NRXN1: variants seen among roughly 807,000 people sequenced by gnomAD.
The protein encoded by NRXN1 is neurexin-1.
A neutral mutation model predicts 150.9 loss-of-function variants in NRXN1; 39 were observed. The observed-to-expected ratio is 0.26, with a 90% CI of 0.20 to 0.34. NRXN1 has a LOEUF of 0.34. Ranked by LOEUF, NRXN1 falls within the 10% of genes least tolerant of loss-of-function variation. The pLI is 1.00. For missense variants in NRXN1, 1,815 were observed against 1,949.9 expected (o/e 0.93, Z 1.30); for synonymous variants, 924 against 757.0 (o/e 1.22, Z -3.62).
intron 18 of NRXN1, among the ~76,000 whole-genome samples, chr2:50,174,218 T>C (rs955950416): frequency 6.6e-5 from 10 of 151,982 alleles, no homozygotes; most frequent in South Asian, 4.1e-4. Flanking sequence ...GACAAAATAG[T>C]GTAGTGATTA....
chr2:50,483,372 A>C (rs2090622322), intron 15 of NRXN1, among the ~76,000 whole-genome samples: 1 of 152,168 alleles, frequency 6.6e-6, no homozygotes, highest in South Asian at 2.1e-4. Context: ...TCAGCAGTCC[A>C]TGACGCTGTT....
chr2:50,071,954 C>G (rs931296984), intron 19 of NRXN1, among the ~76,000 whole-genome samples: 18 of 152,154 alleles, frequency 1.2e-4, no homozygotes, highest in African/African-American at 4.1e-4. Flanking sequence ...TTCTACATTA[C>G]AGTCCTGGTA....
At chr2:51,002,402 G>A (rs1700186511) in intron 2 of NRXN1, among the ~76,000 whole-genome samples, 1 of 151,946 alleles carries the variant, frequency 6.6e-6, no homozygotes, top group South Asian at 2.1e-4. Flanking sequence ...GTAGAAAACA[G>A]AATCTTATTC....
At chr2:49,978,152 C>A (rs1679325640) in intron 21 of NRXN1, among the ~76,000 whole-genome samples, 1 of 152,124 alleles carries the variant, frequency 6.6e-6, no homozygotes, top group African/African-American at 2.4e-5. Flanking sequence ...CAGAGCGAGA[C>A]TCCATCCCCC....
At chr2:50,590,604 C>T (rs1054682453) in intron 8 of NRXN1, among the ~76,000 whole-genome samples, 4 of 152,040 alleles carry the variant, frequency 2.6e-5, no homozygotes, top group Admixed American at 2.0e-4. Flanking sequence ...TGTGATGGGG[C>T]CTTTAGGAAG....
At chr2:50,534,803 T>C (rs1390502142) in intron 10 of NRXN1, among the ~76,000 whole-genome samples, 5 of 152,178 alleles carry the variant, frequency 3.3e-5, no homozygotes, top group Non-Finnish European at 7.4e-5. Flanking sequence ...AATAATCATA[T>C]TCTTCTGGGA....
intron 19 of NRXN1, among the ~76,000 whole-genome samples, chr2:50,080,929 T>C (rs1697865306): frequency 6.6e-6 from 1 of 152,196 alleles, no homozygotes; most frequent in Non-Finnish European, 1.5e-5. Context: ...TTTTTTCCTC[T>C]AATATCTCAA....
At chr2:50,018,571 G>A (rs985986410) in intron 21 of NRXN1, among the ~76,000 whole-genome samples, 9 of 152,040 alleles carry the variant, frequency 5.9e-5, no homozygotes, top group African/African-American at 2.2e-4. Context: ...TCTCTCCCAC[G>A]TTATTACATC....
chr2:50,509,432 A>G (rs2092367089), intron 12 of NRXN1, among the ~76,000 whole-genome samples: 1 of 152,142 alleles, frequency 6.6e-6, no homozygotes, highest in African/African-American at 2.4e-5. Context: ...GACTGTTCCT[A>G]AAGATATGAC....
At chr2:50,897,934 ACAT>A (rs1014087664) in intron 5 of NRXN1, among the ~76,000 whole-genome samples, 37 of 151,414 alleles carry the variant, frequency 2.4e-4, no homozygotes, top group African/African-American at 8.8e-4. Context: ...CAAAAACAAA[ACAT>A]AATAGTCATA....
intron 17 of NRXN1, among the ~76,000 whole-genome samples, chr2:50,373,944 A>G (rs1186591228): frequency 6.6e-6 from 1 of 152,096 alleles, no homozygotes; most frequent in South Asian, 2.1e-4. Context: ...TTGCTTCAAA[A>G]TGATGCAGTT....
At chr2:50,515,358 T>C (rs2092598048) in intron 12 of NRXN1, among the ~76,000 whole-genome samples, 1 of 152,138 alleles carries the variant, frequency 6.6e-6, no homozygotes. Context: ...TATATTACAA[T>C]GTAATAGTAA....
At chr2:50,424,584 G>C (rs1258155788) in intron 17 of NRXN1, among the ~76,000 whole-genome samples, 2 of 152,106 alleles carry the variant, frequency 1.3e-5, no homozygotes, top group African/African-American at 4.8e-5. Context: ...AGGTAAGCCA[G>C]CTCTGAAAAT....
intron 19 of NRXN1, among the ~76,000 whole-genome samples, chr2:50,065,652 A>C (rs1164273637): frequency 6.6e-6 from 1 of 152,146 alleles, no homozygotes; most frequent in Admixed American, 6.6e-5. Context: ...TGGAGATCCC[A>C]GTGAGAAGCA....
chr2:50,035,172 G>C (rs1481521573), intron 21 of NRXN1, among the ~76,000 whole-genome samples: 1 of 152,042 alleles, frequency 6.6e-6, no homozygotes, highest in Non-Finnish European at 1.5e-5. Context: ...CTAATAAAAA[G>C]TTTGAATAAT....
chr2:50,750,588 T>C (rs1188204083), intron 5 of NRXN1, among the ~76,000 whole-genome samples: 1 of 151,968 alleles, frequency 6.6e-6, no homozygotes, highest in Non-Finnish European at 1.5e-5. Flanking sequence ...GCTGAAAGTA[T>C]AATAATAATA....
chr2:50,727,160 T>C (rs1697466035), intron 5 of NRXN1, among the ~76,000 whole-genome samples: 1 of 152,168 alleles, frequency 6.6e-6, no homozygotes, highest in Non-Finnish European at 1.5e-5. Context: ...AAAGATATTG[T>C]TTGTCAAAAA....
chr2:50,043,104 C>T (rs1369083340), intron 21 of NRXN1, among the ~76,000 whole-genome samples: 3 of 152,248 alleles, frequency 2.0e-5, no homozygotes, highest in African/African-American at 7.2e-5. Flanking sequence ...ATACAAATTT[C>T]AGACTAGATT....
chr2:50,016,513 C>G (rs10196157), intron 21 of NRXN1: 81,237 of 151,974 alleles, frequency 0.53, 22,338 homozygotes, highest in Middle Eastern at 0.65. Flanking sequence ...CGCAGGGCTA[C>G]GGAGGCCTCA....
Sources: gnomAD v4.1 joint callset for allele counts (sites outside exome capture counted in the v4.1 genomes callset) on GRCh38, gnomAD v4.1.1 for gene constraint, MANE v1.5 for transcripts, NCBI Gene and HGNC (gene_info 2026-07-23, HGNC 2026-07-21) for gene names.